SERGEF: variants seen among roughly 807,000 people sequenced by gnomAD.
The protein encoded by SERGEF is secretion-regulating guanine nucleotide exchange factor.
Under a neutral mutation model 50.0 loss-of-function variants are expected in SERGEF, and 51 were observed. The ratio of observed to expected loss-of-function variants is 1.02; its 90% CI spans 0.81 to 1.29. The LOEUF is 1.29. SERGEF is among the 50% of genes most tolerant of loss of function. SERGEF has a pLI of 0.00. For missense variants in SERGEF, 521 were observed against 557.0 expected (o/e 0.94, Z 0.65); for synonymous variants, 205 against 212.4 (o/e 0.97, Z 0.30).
chr11:17,822,772 G>A (rs889087269), intron 10 of SERGEF, among the ~76,000 whole-genome samples: 1 of 152,192 alleles, frequency 6.6e-6, no homozygotes, highest in South Asian at 2.1e-4. Flanking sequence ...GAGCCTAGAG[G>A]GGTCAAGTGA....
chr11:17,908,746 A>G (rs529191), intron 9 of SERGEF, among the ~76,000 whole-genome samples: 72,413 of 152,044 alleles, frequency 0.48, 17,571 homozygotes, highest in African/African-American at 0.54. Context: ...TAATGAATCA[A>G]AGCAATACTG....
At chr11:17,969,636 A>G (rs1565218504) in intron 8 of SERGEF, among the ~76,000 whole-genome samples, 2 of 152,222 alleles carry the variant, frequency 1.3e-5, no homozygotes, top group African/African-American at 2.4e-5. Flanking sequence ...CCAAGGACAC[A>G]GTATGTTTTG....
rs932238587 is a variant in SERGEF at position 18,006,758 on chromosome 11, A to G, written c.197-12T>C. The stretch of plus-strand genomic sequence containing the variant: ...GAGGTCTCCTCCATCTGCAAAATAT[A>G]AAGGCATCAGTGATAGCGTGCACAG... On this transcript the variant is annotated splice_polypyrimidine_tract_variant and intron_variant, in intron 2 of 10. Transcript: ENST00000265965. The G allele has an allele frequency of 6.2e-7, 1 of 1,613,938 alleles. No individual in the cohort carries two copies. Among genetic ancestry groups the G allele is most frequent in the Admixed American group, 1.7e-5 (1 of 59,964 alleles).
At chr11:17,906,512 G>A (rs1038162241) in intron 9 of SERGEF, among the ~76,000 whole-genome samples, 22 of 151,878 alleles carry the variant, frequency 1.4e-4, no homozygotes, top group African/African-American at 5.3e-4. Context: ...GCAGCACAGA[G>A]CTAAGTGGGG....
At chr11:17,916,593 T>C (rs894148043) in intron 9 of SERGEF, among the ~76,000 whole-genome samples, 13 of 152,206 alleles carry the variant, frequency 8.5e-5, no homozygotes, top group Non-Finnish European at 1.3e-4. Context: ...TAGAAAACTA[T>C]AGTATCCATT....
intron 9 of SERGEF, among the ~76,000 whole-genome samples, chr11:17,903,750 C>T (rs768959406): frequency 1.5e-4 from 23 of 152,154 alleles, no homozygotes; most frequent in Non-Finnish European, 2.6e-4. Flanking sequence ...AGGATTTGAT[C>T]ATTGAACAGA....
intron 10 of SERGEF, among the ~76,000 whole-genome samples, chr11:17,817,256 A>T (rs1374986786): frequency 6.9e-6 from 1 of 145,468 alleles, no homozygotes; most frequent in Non-Finnish European, 1.5e-5. Flanking sequence ...TCTGTCGCCC[A>T]GGCTGGAGAA....
chr11:17,802,304 C>A (rs1166071190), intron 10 of SERGEF, among the ~76,000 whole-genome samples: 2 of 152,160 alleles, frequency 1.3e-5, no homozygotes, highest in Admixed American at 1.3e-4. Context: ...AATAAATACA[C>A]AAATGAAGAT....
chr11:17,883,890 C>G (rs954829814), intron 9 of SERGEF, among the ~76,000 whole-genome samples: 4 of 151,162 alleles, frequency 2.6e-5, no homozygotes, highest in Non-Finnish European at 4.4e-5. Context: ...CTCATGGATA[C>G]CCATGGCGAC....
chr11:18,006,755 T>G lies in SERGEF; in HGVS notation c.197-9A>C. The stretch of plus-strand genomic sequence containing the variant: ...AAAGAGGTCTCCTCCATCTGCAAAA[T>G]ATAAAGGCATCAGTGATAGCGTGCA... On this transcript the variant is annotated splice_polypyrimidine_tract_variant and intron_variant, in intron 2 of 10. Transcript: ENST00000265965. The G allele has an allele frequency of 6.2e-7, 1 of 1,613,916 alleles. No individual in the cohort carries two copies. The highest frequency in any genetic ancestry group is 8.5e-7 in the Non-Finnish European group (1 of 1,179,942).
chr11:17,971,181 G>T (rs759539003), intron 8 of SERGEF, among the ~76,000 whole-genome samples: 1 of 152,056 alleles, frequency 6.6e-6, no homozygotes, highest in Non-Finnish European at 1.5e-5. Flanking sequence ...GCGACGCAGC[G>T]AGACTCCATC....
intron 10 of SERGEF, among the ~76,000 whole-genome samples, chr11:17,858,404 C>CT (rs1850864328): frequency 6.6e-6 from 1 of 152,156 alleles, no homozygotes; most frequent in African/African-American, 2.4e-5. Context: ...CCCCAGCCCC[C>CT]TTCCGGCATC....
At chr11:17,959,233 G>A (rs574193095) in intron 9 of SERGEF, among the ~76,000 whole-genome samples, 10 of 152,288 alleles carry the variant, frequency 6.6e-5, no homozygotes, top group Non-Finnish European at 1.3e-4. Context: ...GCTCTTCACA[G>A]TAGATCCAAA....
At chr11:17,868,232 G>A (rs1851068143) in intron 10 of SERGEF, among the ~76,000 whole-genome samples, 1 of 152,182 alleles carries the variant, frequency 6.6e-6, no homozygotes, top group Admixed American at 6.5e-5. Context: ...CAGTGCCCAA[G>A]TCACCTGTTG....
chr11:17,922,850 T>G (rs769024198), intron 9 of SERGEF, among the ~76,000 whole-genome samples: 7 of 152,200 alleles, frequency 4.6e-5, no homozygotes, highest in Non-Finnish European at 1.0e-4. Context: ...CTCTATTCCC[T>G]TTACTCCTTT....
At chr11:17,801,601 G>A (rs888650875) in intron 10 of SERGEF, among the ~76,000 whole-genome samples, 3 of 152,122 alleles carry the variant, frequency 2.0e-5, no homozygotes, top group African/African-American at 7.2e-5. Context: ...AAGTTGAGGA[G>A]GCCTGGAGGA....
intron 8 of SERGEF, among the ~76,000 whole-genome samples, chr11:17,960,289 C>G (rs1852970174): frequency 6.6e-6 from 1 of 152,084 alleles, no homozygotes; most frequent in African/African-American, 2.4e-5. Context: ...AGCATTTAGT[C>G]CCCCAGATGC....
intron 9 of SERGEF, among the ~76,000 whole-genome samples, chr11:17,936,261 T>C (rs1852450403): frequency 6.6e-6 from 1 of 152,200 alleles, no homozygotes; most frequent in Admixed American, 6.5e-5. Context: ...CTAGTTGCCC[T>C]ATTCTTCTGG....
intron 9 of SERGEF, among the ~76,000 whole-genome samples, chr11:17,911,391 A>G (rs939910581): frequency 6.8e-6 from 1 of 148,068 alleles, no homozygotes; most frequent in Non-Finnish European, 1.5e-5. Flanking sequence ...ATATATATAC[A>G]CACATATATA....
Sources: allele counts gnomAD v4.1 joint callset (sites outside exome capture counted in the v4.1 genomes callset), GRCh38; gene constraint gnomAD v4.1.1; transcripts MANE v1.5; gene names NCBI Gene and HGNC (gene_info 2026-07-23, HGNC 2026-07-21).